The following BTBD9 variants were observed in gnomAD, a reference collection of about 807,000 sequenced individuals.
BTBD9 encodes BTB/POZ domain-containing protein 9.
Under a neutral mutation model 64.3 loss-of-function variants are expected in BTBD9, and 49 were observed. The ratio of observed to expected loss-of-function variants is 0.76; its 90% confidence interval spans 0.61 to 0.97. The LOEUF (loss-of-function observed/expected upper bound fraction) is 0.97. BTBD9 is among the 50% of genes least tolerant of loss of function. BTBD9 has a pLI of 0.00. For synonymous variants in BTBD9, 260 were observed against 274.7 expected, an observed-to-expected ratio of 0.95 and a Z score of 0.53; for missense variants, 598 against 762.1, an observed-to-expected ratio of 0.78 and a Z score of 2.53.
At chr6:38,586,721 T>A (rs1255788388) in intron 4 of BTBD9, among the ~76,000 whole-genome samples, 1 of 152,158 alleles carries the variant, frequency 6.6e-6, no homozygotes, top group African/African-American at 2.4e-5. Context: ...TTTTTTCCCC[T>A]AACAGTGAAG....
chr6:38,596,633 T>C (rs1777040491), intron 2 of BTBD9, among the ~76,000 whole-genome samples: 1 of 151,980 alleles, frequency 6.6e-6, no homozygotes, highest in South Asian at 2.1e-4. Flanking sequence ...ACCCCGTCTC[T>C]ATTAAAAATA....
intron 6 of BTBD9, among the ~76,000 whole-genome samples, chr6:38,422,795 AC>A (rs1240856548): frequency 6.6e-6 from 1 of 152,054 alleles, no homozygotes; most frequent in African/African-American, 2.4e-5. Context: ...AAATCCATTA[AC>A]CCCTTTATAA....
chr6:38,358,721 T>C (rs1764828216), intron 6 of BTBD9, among the ~76,000 whole-genome samples: 1 of 152,210 alleles, frequency 6.6e-6, no homozygotes, highest in East Asian at 1.9e-4. Context: ...ATTCAATGAC[T>C]CAGACAGGAT....
intron 6 of BTBD9, among the ~76,000 whole-genome samples, chr6:38,454,552 C>T (rs1033702401): frequency 6.6e-6 from 1 of 150,808 alleles, no homozygotes; most frequent in African/African-American, 2.4e-5. Flanking sequence ...AATCCTAGCA[C>T]TTAGGAGGCC....
chr6:38,572,816 A>G (rs1775836650), intron 6 of BTBD9, among the ~76,000 whole-genome samples: 1 of 151,536 alleles, frequency 6.6e-6, no homozygotes, highest in Non-Finnish European at 1.5e-5. Context: ...ATAAAAGTTT[A>G]ACATACTTTA....
intron 10 of BTBD9, among the ~76,000 whole-genome samples, chr6:38,190,467 T>TTAAA (rs1491291876): frequency 1.3e-5 from 1 of 77,518 alleles, no homozygotes; most frequent in African/African-American, 4.7e-5. Context: ...AAACTCTGTC[T>TTAAA]AAAAAAAAAA....
intron 9 of BTBD9, among the ~76,000 whole-genome samples, chr6:38,217,680 T>G (rs1348095720): frequency 1.3e-5 from 2 of 151,182 alleles, no homozygotes; most frequent in Non-Finnish European, 2.9e-5. Flanking sequence ...TTTTAAACAT[T>G]ATTATTTTTT....
At chr6:38,347,256 T>G (rs898680043) in intron 6 of BTBD9, among the ~76,000 whole-genome samples, 5 of 152,220 alleles carry the variant, frequency 3.3e-5, no homozygotes, top group African/African-American at 1.2e-4. Flanking sequence ...TATACCCTTA[T>G]GATAGTATTT....
Position 38,377,713 on chromosome 6 carries a change from C to A in BTBD9, c.1155-32620G>T, listed in dbSNP as rs1489801444. 2.6e-5 allele frequency among the ~76,000 whole-genome samples: 4 copies of A among 152,218 alleles called. No homozygotes were observed. The East Asian group carries it at 7.7e-4, about 29-fold the overall frequency. On this transcript the variant is annotated intron_variant, in intron 6 of 10. Coordinates refer to ENST00000481247, the MANE Select transcript of BTBD9 (RefSeq NM_001099272.2). ...AATATTTGAGAAGGTTATTTTTTAACCATCTATCAAAGAAGATTGATGTTC... is the reference window on the plus strand; with the variant it reads ...AATATTTGAGAAGGTTATTTTTTAAACATCTATCAAAGAAGATTGATGTTC...
chr6:38,556,506 A>AGT (rs140373285), intron 6 of BTBD9, among the ~76,000 whole-genome samples: 2,579 of 137,614 alleles, frequency 0.019, 27 homozygotes, highest in Non-Finnish European at 0.021. Context: ...TGTCCTATAA[A>AGT]GTGTGTGTGT....
chr6:38,220,663 T>A (rs1184191618), intron 9 of BTBD9, among the ~76,000 whole-genome samples: 1 of 152,252 alleles, frequency 6.6e-6, no homozygotes, highest in African/African-American at 2.4e-5. Context: ...ACTGTTAGTG[T>A]GGAAATATAT....
chr6:38,260,683 G>A (rs1764759006), intron 8 of BTBD9, among the ~76,000 whole-genome samples: 1 of 152,100 alleles, frequency 6.6e-6, no homozygotes, highest in Non-Finnish European at 1.5e-5. Flanking sequence ...TTGTTTCAAG[G>A]CAAATTATTA....
At chr6:38,508,598 C>A (rs190656225) in intron 6 of BTBD9, among the ~76,000 whole-genome samples, 1 of 152,132 alleles carries the variant, frequency 6.6e-6, no homozygotes, top group Non-Finnish European at 1.5e-5. Context: ...ATCACATCAC[C>A]CCACTACTTA....
At chr6:38,194,660 T>C (rs531793853) in intron 9 of BTBD9, among the ~76,000 whole-genome samples, 108 of 152,000 alleles carry the variant, frequency 7.1e-4, no homozygotes, top group African/African-American at 2.4e-3. Flanking sequence ...CACTCCTCCC[T>C]CCAAGATGTA....
chr6:38,297,976 G>A (rs1445177687), intron 7 of BTBD9, among the ~76,000 whole-genome samples: 1 of 151,368 alleles, frequency 6.6e-6, no homozygotes, highest in Non-Finnish European at 1.5e-5. Context: ...AAGTAGCTCG[G>A]AATACAGGTG....
At chr6:38,229,509 A>G (rs1299304314) in intron 9 of BTBD9, among the ~76,000 whole-genome samples, 1 of 152,140 alleles carries the variant, frequency 6.6e-6, no homozygotes, top group Non-Finnish European at 1.5e-5. Flanking sequence ...AACTCCCATC[A>G]TCTACTTTTG....
intron 6 of BTBD9, among the ~76,000 whole-genome samples, chr6:38,358,769 C>CTT (rs35616918): frequency 4.0e-4 from 58 of 146,150 alleles, no homozygotes; most frequent in Non-Finnish European, 5.6e-4. Flanking sequence ...GGATTGTGAC[C>CTT]TTTTTTTTTT....
rs147352090 is a variant in BTBD9, at chr6:38,223,230, C to T, written c.1563-30633G>A. On this transcript the variant is annotated intron_variant, in intron 9 of 10. Coordinates refer to ENST00000481247, the MANE Select transcript of BTBD9 (RefSeq NM_001099272.2). ...CCTAGAGGAAGATTTTAGATTATCA[C>T]GACAAACAAGTGAACAGCATCTTAA... 5.5e-3 allele frequency among the ~76,000 whole-genome samples: 843 copies of T among 152,202 alleles called. 9 individuals are homozygous for T. Among genetic ancestry groups the T allele is most frequent in the Non-Finnish European group, 6.5e-3 (441 of 68,004 alleles).
intron 10 of BTBD9, among the ~76,000 whole-genome samples, chr6:38,188,466 G>T (rs539818594): frequency 6.6e-6 from 1 of 152,202 alleles, no homozygotes; most frequent in South Asian, 2.1e-4. Flanking sequence ...GGCCTACCTG[G>T]GCCATTCGGC....
Sources: allele counts gnomAD v4.1 joint callset (sites outside exome capture counted in the v4.1 genomes callset), GRCh38; gene constraint gnomAD v4.1.1; transcripts MANE v1.5; gene names NCBI Gene and HGNC (gene_info 2026-07-23, HGNC 2026-07-21).